CTNNA2: variants seen among roughly 807,000 people sequenced by gnomAD.
CTNNA2 encodes the protein catenin alpha 2, also known as catenin alpha-2.
In CTNNA2, 42 loss-of-function variants were observed where a neutral mutation model predicts 101.0. That is an observed-to-expected ratio of 0.42 (90% CI 0.32 to 0.54). The LOEUF (loss-of-function observed/expected upper bound fraction) is 0.54, where lower values mean the gene tolerates loss of function less well. Among genes scored for constraint, CTNNA2 ranks in the 20% least tolerant of loss-of-function variants. The pLI is 0.14. For synonymous variants in CTNNA2, 450 were observed against 456.4 expected, an observed-to-expected ratio of 0.99 and a Z score of 0.18; for missense variants, 871 against 1,223.1, an observed-to-expected ratio of 0.71 and a Z score of 4.29.
At chr2:80,017,425 T>G (rs2104072786) in intron 7 of CTNNA2, among the ~76,000 whole-genome samples, 1 of 152,154 alleles carries the variant, frequency 6.6e-6, no homozygotes, top group Middle Eastern at 3.4e-3. Flanking sequence ...TATACTGATT[T>G]ACATTGAGAT....
chr2:79,423,080 C>A (rs1678555429), intron 4 of CTNNA2, among the ~76,000 whole-genome samples: 1 of 152,120 alleles, frequency 6.6e-6, no homozygotes, highest in Non-Finnish European at 1.5e-5. Flanking sequence ...ATTGCTTAAC[C>A]AGTAGAATAG....
intron 7 of CTNNA2, among the ~76,000 whole-genome samples, chr2:80,210,149 T>C (rs1236039627): frequency 6.6e-6 from 1 of 152,220 alleles, no homozygotes; most frequent in Non-Finnish European, 1.5e-5. Flanking sequence ...TAGATAACTT[T>C]AGGGTTTCCA....
chr2:79,344,245 A>G (rs1677204847), intron 3 of CTNNA2, among the ~76,000 whole-genome samples: 1 of 152,214 alleles, frequency 6.6e-6, no homozygotes, highest in Admixed American at 6.5e-5. Flanking sequence ...TGGCATTATC[A>G]TCAGAAAGCC....
At chr2:80,439,071 G>C (rs1682318387) in intron 9 of CTNNA2, among the ~76,000 whole-genome samples, 1 of 152,154 alleles carries the variant, frequency 6.6e-6, no homozygotes, top group African/African-American at 2.4e-5. Context: ...AGTAAATAAA[G>C]TAGGAGTGGG....
chr2:80,126,288 C>T (rs758231174), intron 7 of CTNNA2, among the ~76,000 whole-genome samples: 13 of 152,120 alleles, frequency 8.5e-5, no homozygotes, highest in Non-Finnish European at 1.3e-4. Flanking sequence ...TGGTTATAGA[C>T]ATAGAGGGTT....
chr2:80,094,819 G>T (rs1489871424), intron 7 of CTNNA2, among the ~76,000 whole-genome samples: 5 of 152,108 alleles, frequency 3.3e-5, no homozygotes, highest in African/African-American at 1.2e-4. Context: ...TCTGTTTTTG[G>T]TGTATAAGAA....
chr2:80,637,468 T>A (rs993216965), intron 18 of CTNNA2, among the ~76,000 whole-genome samples: 3 of 151,958 alleles, frequency 2.0e-5, no homozygotes, highest in African/African-American at 7.3e-5. Context: ...AAGAATGAAT[T>A]ACCAGTGACA....
At chr2:79,341,757 A>G (rs952282764) in intron 3 of CTNNA2, among the ~76,000 whole-genome samples, 3 of 152,328 alleles carry the variant, frequency 2.0e-5, no homozygotes, top group Non-Finnish European at 2.9e-5. Flanking sequence ...CTCTCCCATA[A>G]TAACCCATTG....
chr2:79,226,670 T>G (rs1674413694), intron 2 of CTNNA2, among the ~76,000 whole-genome samples: 1 of 152,210 alleles, frequency 6.6e-6, no homozygotes, highest in Non-Finnish European at 1.5e-5. Context: ...CATTTATTCT[T>G]TGGAATCTTT....
intron 9 of CTNNA2, among the ~76,000 whole-genome samples, chr2:80,526,969 T>C (rs1318971027): frequency 6.6e-6 from 1 of 152,220 alleles, no homozygotes; most frequent in Non-Finnish European, 1.5e-5. Context: ...GGTAGTAGAA[T>C]ATGGTCATTG....
chr2:79,630,438 A>G (rs1161419999), intron 1 of CTNNA2, among the ~76,000 whole-genome samples: 2 of 152,254 alleles, frequency 1.3e-5, no homozygotes, highest in East Asian at 3.9e-4. Context: ...AGCTATATTT[A>G]TACACAGAAA....
At chr2:79,189,056 T>G (rs1441811077) in intron 1 of CTNNA2, among the ~76,000 whole-genome samples, 1 of 152,180 alleles carries the variant, frequency 6.6e-6, no homozygotes, top group Non-Finnish European at 1.5e-5. Flanking sequence ...GTTGAATCAA[T>G]TTCTGTGAGT....
At position 80,120,014 on chromosome 2, in the gene CTNNA2, C is replaced by T. The variant is rs550227188; in HGVS notation, c.1056+210217C>T. On this transcript the variant is annotated intron_variant, in intron 7 of 18. Coordinates refer to ENST00000402739, the MANE Select transcript of CTNNA2 (RefSeq NM_001282597.3). ...ATTACCCACAAAAGGTTTGGTCAGT[C>T]ACTGTGCTGATAACACAATGCGTAA... 7.9e-5 allele frequency among the ~76,000 whole-genome samples: 12 copies of T among 152,320 alleles called. No individual in the cohort carries two copies. In the South Asian group the frequency reaches 2.3e-3, roughly 29 times the overall value.
At chr2:79,581,422 G>A (rs1033508688) in intron 1 of CTNNA2, among the ~76,000 whole-genome samples, 3 of 152,108 alleles carry the variant, frequency 2.0e-5, no homozygotes, top group African/African-American at 7.2e-5. Flanking sequence ...CTACTAGGGA[G>A]GTTGAGGCAG....
At chr2:79,772,193 T>A (rs1673638683) in intron 3 of CTNNA2, among the ~76,000 whole-genome samples, 1 of 152,114 alleles carries the variant, frequency 6.6e-6, no homozygotes, top group East Asian at 1.9e-4. Flanking sequence ...TGACAGATGC[T>A]GAACTAAGAC....
At chr2:79,610,297 T>C (rs1043690757) in intron 1 of CTNNA2, among the ~76,000 whole-genome samples, 1 of 152,140 alleles carries the variant, frequency 6.6e-6, no homozygotes, top group Non-Finnish European at 1.5e-5. Flanking sequence ...GTTTCTCTTC[T>C]ACTCCCCTTT....
At chr2:79,924,604 C>T (rs902434272) in intron 7 of CTNNA2, among the ~76,000 whole-genome samples, 3 of 152,110 alleles carry the variant, frequency 2.0e-5, no homozygotes, top group Non-Finnish European at 4.4e-5. Flanking sequence ...TCGCTACGTT[C>T]AGGGGCTATA....
At chr2:79,262,088 A>C (rs933901884) in intron 2 of CTNNA2, among the ~76,000 whole-genome samples, 1 of 152,168 alleles carries the variant, frequency 6.6e-6, no homozygotes, top group Non-Finnish European at 1.5e-5. Context: ...ACATCACTCA[A>C]GTGGTCAAAG....
chr2:79,783,877 T>C (rs1206930296), intron 3 of CTNNA2, among the ~76,000 whole-genome samples: 1 of 152,232 alleles, frequency 6.6e-6, no homozygotes, highest in African/African-American at 2.4e-5. Flanking sequence ...TCTTGAGATA[T>C]ATATGGAATA....
Sources: allele counts gnomAD v4.1 joint callset (sites outside exome capture counted in the v4.1 genomes callset), GRCh38; gene constraint gnomAD v4.1.1; transcripts MANE v1.5; gene names NCBI Gene and HGNC (gene_info 2026-07-23, HGNC 2026-07-21).